The following KCNT1 variants were observed in gnomAD, a reference collection of about 807,000 sequenced individuals.
KCNT1 encodes the protein potassium sodium-activated channel subfamily T member 1.
Under a neutral mutation model 147.8 loss-of-function variants are expected in KCNT1, and 78 were observed. That is an observed-to-expected ratio of 0.53 (90% confidence interval 0.44 to 0.64). The LOEUF (loss-of-function observed/expected upper bound fraction) is 0.64. Among genes scored for constraint, KCNT1 ranks in the 30% least tolerant of loss-of-function variants. KCNT1 has a pLI of 0.00. For synonymous variants in KCNT1, 867 were observed against 748.8 expected (o/e 1.16, Z -2.58); for missense variants, 1,419 against 1,750.3 (o/e 0.81, Z 3.38).
rs1236168925 is a variant in KCNT1, at chr9:135,719,685, G to A, written c.254+4965G>A. Among the ~76,000 whole-genome samples the A allele has an allele frequency of 2.6e-5, 4 of 152,196 alleles. No homozygotes were observed. The South Asian group carries it at 6.2e-4, about 24-fold the overall frequency. On this transcript the variant is annotated intron_variant, in intron 2 of 30. Transcript: ENST00000371757. ...GCCAGGAAGGCCCTGCCCACTGGCT[G>A]GGGCTTCCGGCAGGCAAGAGGAAGC...
chr9:135,757,985 G>A (rs894966485), intron 9 of KCNT1, among the ~76,000 whole-genome samples: 5 of 152,256 alleles, frequency 3.3e-5, no homozygotes, highest in African/African-American at 7.2e-5. Flanking sequence ...CCTCATCCCC[G>A]GGGATGTAGG....
intron 24 of KCNT1, among the ~76,000 whole-genome samples, chr9:135,782,167 G>A (rs1190505839): frequency 6.6e-6 from 1 of 152,202 alleles, no homozygotes; most frequent in East Asian, 1.9e-4. Context: ...TTGTGCCACT[G>A]CACTCCAGGC....
chr9:135,769,087 G>T (rs559766230), intron 15 of KCNT1, 150 bp downstream of exon 15: 2 of 619,350 alleles, frequency 3.2e-6, no homozygotes, highest in Non-Finnish European at 5.6e-6. Context: ...GTGACGGTGC[G>T]TCTGGGGCAG....
chr9:135,710,643 A>G (rs1023585720), intron 1 of KCNT1, among the ~76,000 whole-genome samples: 4 of 152,188 alleles, frequency 2.6e-5, no homozygotes, highest in African/African-American at 9.7e-5. Flanking sequence ...TTCTTGGGCC[A>G]GACCGCAGAG....
At chr9:135,759,539 T>G (rs909249460) in intron 10 of KCNT1, 140 bp from the exon 11 acceptor site, 2 of 841,068 alleles carry the variant, frequency 2.4e-6, no homozygotes, top group African/African-American at 3.6e-5. Context: ...CACCCAGCTG[T>G]CAGGAGGGCG....
intron 11 of KCNT1, among the ~76,000 whole-genome samples, chr9:135,761,226 G>C (rs1343062851): frequency 6.6e-6 from 1 of 152,048 alleles, no homozygotes; most frequent in Non-Finnish European, 1.5e-5. Flanking sequence ...TCCCTCCCTC[G>C]ATCATAAACC....
chr9:135,757,009 C>G (rs1310286499), intron 7 of KCNT1, 77 bp downstream of exon 7: 3 of 1,174,106 alleles, frequency 2.6e-6, no homozygotes, highest in Non-Finnish European at 3.7e-6. Context: ...CCACCTCCCC[C>G]ACCCTCTCCT....
chr9:135,735,184 T>C (rs1830284999), intron 2 of KCNT1, among the ~76,000 whole-genome samples: 1 of 152,174 alleles, frequency 6.6e-6, no homozygotes, highest in African/African-American at 2.4e-5. Context: ...GCGACATGCA[T>C]AGGAGCGTGT....
At chr9:135,762,813 A>G (rs1156737232) in intron 11 of KCNT1, among the ~76,000 whole-genome samples, 1 of 152,224 alleles carries the variant, frequency 6.6e-6, no homozygotes, top group African/African-American at 2.4e-5. Flanking sequence ...CAGGCATCAC[A>G]CCTGCACTGC....
intron 10 of KCNT1, 111 bp downstream of exon 10, chr9:135,758,619 A>G (rs1564354672): frequency 2.3e-6 from 2 of 874,054 alleles, no homozygotes; most frequent in Non-Finnish European, 3.7e-6. Context: ...CGGGGCAGAA[A>G]AGGCCACAGT....
chr9:135,756,029 A>G (rs1279640755), intron 6 of KCNT1, among the ~76,000 whole-genome samples: 2 of 142,234 alleles, frequency 1.4e-5, no homozygotes, highest in African/African-American at 2.6e-5. Context: ...CAAACCCAGG[A>G]TCAGTAAACA....
At chr9:135,756,829 AGCCCCG>A in intron 6 of KCNT1, 38 bp from the exon 7 acceptor site, 4 of 1,564,032 alleles carry the variant, frequency 2.6e-6, no homozygotes, top group Non-Finnish European at 3.5e-6. Context: ...CCCCAGCCCC[AGCCCCG>A]GCCTGCTCCA....
At chr9:135,778,656 C>G in intron 22 of KCNT1, 32 bp from the exon 23 acceptor site, 1 of 1,612,570 alleles carries the variant, frequency 6.2e-7, no homozygotes, top group Non-Finnish European at 8.5e-7. Flanking sequence ...TGGGCCGCAT[C>G]CTCAGCCACG....
At chr9:135,766,435 G>C (rs1034863660) in intron 13 of KCNT1, among the ~76,000 whole-genome samples, 11 of 152,122 alleles carry the variant, frequency 7.2e-5, no homozygotes, top group Non-Finnish European at 1.6e-4. Flanking sequence ...GACCATCTGG[G>C]GTTGGTCCTC....
chr9:135,788,240 C>A, intron 29 of KCNT1: 1 of 1,226,510 alleles, frequency 8.2e-7, no homozygotes, highest in Non-Finnish European at 1.2e-6. Flanking sequence ...CTTGCTGCGC[C>A]ATCCCGGCCA....
At chr9:135,765,912 T>C (rs2131479192) in intron 13 of KCNT1, 152 bp downstream of exon 13, 1 of 762,176 alleles carries the variant, frequency 1.3e-6, no homozygotes, top group Non-Finnish European at 2.1e-6. Context: ...CTAGGTGGAC[T>C]GTCCAGGGTG....
intron 29 of KCNT1, among the ~76,000 whole-genome samples, chr9:135,787,233 G>T (rs755843770): frequency 6.6e-6 from 1 of 152,220 alleles, no homozygotes; most frequent in Non-Finnish European, 1.5e-5. Context: ...GATCCGTGCA[G>T]CCCCCTCTCT....
At chr9:135,706,103 G>T (rs1835243854) in intron 1 of KCNT1, among the ~76,000 whole-genome samples, 1 of 152,198 alleles carries the variant, frequency 6.6e-6, no homozygotes, top group African/African-American at 2.4e-5. Flanking sequence ...AGCTGTGTCA[G>T]CTCTGGCGAG....
At chr9:135,736,687 G>A (rs1034344762) in intron 2 of KCNT1, 12 of 332,308 alleles carry the variant, frequency 3.6e-5, no homozygotes, top group Middle Eastern at 8.0e-4. Flanking sequence ...GGGCCCGGGG[G>A]GCGCCCCAGC....
Sources: allele counts gnomAD v4.1 joint callset (sites outside exome capture counted in the v4.1 genomes callset), GRCh38; gene constraint gnomAD v4.1.1; transcripts MANE v1.5; gene names NCBI Gene and HGNC (gene_info 2026-07-23, HGNC 2026-07-21).